KCNG3: variants seen among roughly 807,000 people sequenced by gnomAD.
The protein encoded by KCNG3 is potassium voltage-gated channel modifier subfamily G member 3, also known as voltage-gated potassium channel regulatory subunit KCNG3.
In KCNG3, 15 loss-of-function variants were observed where a neutral mutation model predicts 29.0. That is an observed-to-expected ratio of 0.52 (90% CI 0.35 to 0.80). The LOEUF (loss-of-function observed/expected upper bound fraction) is 0.80, where lower values mean the gene tolerates loss of function less well. KCNG3 is among the 30% of genes least tolerant of loss of function. The pLI is 0.01. For missense variants in KCNG3, 512 were observed against 605.7 expected (o/e 0.85, Z 1.62); for synonymous variants, 322 against 248.9 (o/e 1.29, Z -2.76).
chr2:42,401,040 CAT>C, the KCNG3 span, among the ~76,000 whole-genome samples: 19,292 of 151,050 alleles, frequency 0.13, 1,361 homozygotes, highest in South Asian at 0.26. Flanking sequence ...TTTAAAAACA[CAT>C]GTGTGTATAT....
chr2:42,390,117 A>G, the KCNG3 span, among the ~76,000 whole-genome samples: 6 of 152,240 alleles, frequency 3.9e-5, no homozygotes, highest in Non-Finnish European at 7.3e-5. Flanking sequence ...TGTGAATGTC[A>G]TGCAGGAAAC....
At chr2:42,483,576 T>C (rs997374663) in intron 1 of KCNG3, among the ~76,000 whole-genome samples, 4 of 152,162 alleles carry the variant, frequency 2.6e-5, no homozygotes, top group Non-Finnish European at 5.9e-5. Flanking sequence ...ATCTCAGGCA[T>C]AAAACTGGGT....
At chr2:42,466,914 G>C (rs1174177314) in intron 1 of KCNG3, among the ~76,000 whole-genome samples, 1 of 151,852 alleles carries the variant, frequency 6.6e-6, no homozygotes, top group Non-Finnish European at 1.5e-5. Flanking sequence ...CACCACGTCT[G>C]GCTAATTTTT....
intron 1 of KCNG3, among the ~76,000 whole-genome samples, chr2:42,487,991 A>G (rs1430639836): frequency 6.6e-6 from 1 of 152,198 alleles, no homozygotes; most frequent in African/African-American, 2.4e-5. Flanking sequence ...TGTGTATTAC[A>G]CTGTATTTCT....
chr2:42,420,708 TG>T, the KCNG3 span, among the ~76,000 whole-genome samples: 1 of 152,036 alleles, frequency 6.6e-6, no homozygotes, highest in Non-Finnish European at 1.5e-5. Context: ...GAGAATCACT[TG>T]AACTCAGGAG....
At chr2:42,428,398 T>C in the KCNG3 span, among the ~76,000 whole-genome samples, 1 of 145,720 alleles carries the variant, frequency 6.9e-6, no homozygotes, top group Non-Finnish European at 1.5e-5. Flanking sequence ...GAGGCAGAGG[T>C]TGCGGTGAGC....
At chr2:42,477,325 G>A (rs917375316) in intron 1 of KCNG3, among the ~76,000 whole-genome samples, 54 of 147,256 alleles carry the variant, frequency 3.7e-4, no homozygotes, top group Admixed American at 6.9e-4. Flanking sequence ...AATATTTCAA[G>A]ACAAATTTTT....
chr2:42,445,584 A>G (rs998258157), intron 1 of KCNG3, among the ~76,000 whole-genome samples: 2 of 152,154 alleles, frequency 1.3e-5, no homozygotes, highest in African/African-American at 4.8e-5. Flanking sequence ...GACCACAAAT[A>G]CTTTGTATTC....
intron 1 of KCNG3, among the ~76,000 whole-genome samples, chr2:42,448,838 C>T (rs1405511315): frequency 1.3e-5 from 2 of 151,966 alleles, no homozygotes; most frequent in African/African-American, 2.4e-5. Flanking sequence ...ATTAGCCGGG[C>T]GCAGTGGCGG....
intron 1 of KCNG3, chr2:42,464,036 T>TGGC: frequency 4.7e-6 from 1 of 214,592 alleles, no homozygotes; most frequent in Non-Finnish European, 9.6e-6. Context: ...TCAGTGGTGG[T>TGGC]GGCAGGCTCG....
chr2:42,483,834 C>T (rs1673650750), intron 1 of KCNG3, among the ~76,000 whole-genome samples: 1 of 152,174 alleles, frequency 6.6e-6, no homozygotes, highest in African/African-American at 2.4e-5. Context: ...CTCTGTCACC[C>T]AAGCTGGAGT....
intron 1 of KCNG3, among the ~76,000 whole-genome samples, chr2:42,487,696 T>G (rs955225818): frequency 6.6e-6 from 1 of 152,070 alleles, no homozygotes; most frequent in Non-Finnish European, 1.5e-5. Context: ...TTTTGGAGAG[T>G]AGTTTGGAAT....
chr2:42,456,007 A>C (rs1282525856), intron 1 of KCNG3, among the ~76,000 whole-genome samples: 4 of 150,470 alleles, frequency 2.7e-5, no homozygotes, highest in Non-Finnish European at 4.4e-5. Flanking sequence ...GTACAATATC[A>C]TAATGTGTAA....
chr2:42,441,686 T>G (rs914547765), downstream of KCNG3, among the ~76,000 whole-genome samples: 3 of 33,364 alleles, frequency 9.0e-5, no homozygotes. Flanking sequence ...TCTGTGTGTA[T>G]ATTTGCACAT....
chr2:42,389,455 G>A, the KCNG3 span, among the ~76,000 whole-genome samples: 1 of 152,294 alleles, frequency 6.6e-6, no homozygotes, highest in African/African-American at 2.4e-5. Context: ...GGGTCAGTGG[G>A]CACATACATT....
At chr2:42,439,980 G>T (rs945576026), downstream of KCNG3, among the ~76,000 whole-genome samples, 1 of 152,062 alleles carries the variant, frequency 6.6e-6, no homozygotes, top group Non-Finnish European at 1.5e-5. Context: ...CATGGCTTCC[G>T]AAGTTACAAG....
At chr2:42,468,764 C>G (rs1305325215) in intron 1 of KCNG3, among the ~76,000 whole-genome samples, 2 of 151,446 alleles carry the variant, frequency 1.3e-5, no homozygotes, top group African/African-American at 4.9e-5. Flanking sequence ...ACCAACCTGG[C>G]CAAGATGGTG....
intron 1 of KCNG3, among the ~76,000 whole-genome samples, chr2:42,448,873 G>T (rs1024841197): frequency 6.6e-6 from 1 of 152,060 alleles, no homozygotes; most frequent in South Asian, 2.1e-4. Context: ...AGCTACTTGG[G>T]AGGCTGAGGC....
chr2:42,421,676 G>T, the KCNG3 span, among the ~76,000 whole-genome samples: 1 of 152,126 alleles, frequency 6.6e-6, no homozygotes, highest in East Asian at 1.9e-4. Context: ...CTAGTCACTA[G>T]GAGTTGCAAA....
Sources: gnomAD v4.1 joint callset for allele counts (sites outside exome capture counted in the v4.1 genomes callset) on GRCh38, gnomAD v4.1.1 for gene constraint, MANE v1.5 for transcripts, NCBI Gene and HGNC (gene_info 2026-07-23, HGNC 2026-07-21) for gene names.